CREB5: variants seen among roughly 807,000 people sequenced by gnomAD.
CREB5 encodes the protein cyclic AMP-responsive element-binding protein 5.
CREB5 carries 19 observed loss-of-function variants against 57.1 expected under a neutral mutation model. The ratio of observed to expected loss-of-function variants is 0.33; its 90% CI spans 0.23 to 0.49. The LOEUF (loss-of-function observed/expected upper bound fraction) is 0.49, where lower values mean the gene tolerates loss of function less well. CREB5 is among the 20% of genes least tolerant of loss of function. CREB5 has a pLI of 0.99. For missense variants in CREB5, 579 were observed against 671.6 expected, an observed-to-expected ratio of 0.86 and a Z score of 1.52; for synonymous variants, 238 against 238.3, an observed-to-expected ratio of 1.00 and a Z score of 0.01.
intron 5 of CREB5, among the ~76,000 whole-genome samples, chr7:28,642,472 A>G (rs1478072672): frequency 6.6e-6 from 1 of 152,256 alleles, no homozygotes; most frequent in Non-Finnish European, 1.5e-5. Context: ...TCATGCATTT[A>G]CCAACTTCGT....
chr7:28,503,520 T>C (rs549923320), intron 3 of CREB5, among the ~76,000 whole-genome samples: 4 of 152,212 alleles, frequency 2.6e-5, no homozygotes, highest in Admixed American at 6.5e-5. Context: ...TTTATGCTTC[T>C]TTGCTTGAGA....
At chr7:28,665,012 T>G (rs1308163246) in intron 5 of CREB5, among the ~76,000 whole-genome samples, 1 of 152,138 alleles carries the variant, frequency 6.6e-6, no homozygotes, top group African/African-American at 2.4e-5. Flanking sequence ...CACAGGACAG[T>G]GTGGCAGTTG....
At chr7:28,809,573 C>A (rs1808980318) in intron 9 of CREB5, among the ~76,000 whole-genome samples, 159 bp downstream of exon 9, 1 of 152,196 alleles carries the variant, frequency 6.6e-6, no homozygotes, top group Admixed American at 6.5e-5. Flanking sequence ...TTCCAGGACA[C>A]CCTGCAAAAC....
At chr7:28,435,967 C>A (rs1272845082) in intron 1 of CREB5, among the ~76,000 whole-genome samples, 1 of 152,124 alleles carries the variant, frequency 6.6e-6, no homozygotes, top group Non-Finnish European at 1.5e-5. Flanking sequence ...ATTTCTCTGT[C>A]CAGCAGACTG....
intron 5 of CREB5, among the ~76,000 whole-genome samples, chr7:28,584,565 G>A (rs1466854073): frequency 6.6e-6 from 1 of 152,094 alleles, no homozygotes; most frequent in African/African-American, 2.4e-5. Context: ...TCCAGGAGCT[G>A]GGCATGGGGC....
intron 1 of CREB5, among the ~76,000 whole-genome samples, chr7:28,460,857 G>A (rs1025233521): frequency 1.3e-5 from 2 of 152,068 alleles, no homozygotes; most frequent in South Asian, 4.2e-4. Context: ...GTTGGAAAAG[G>A]AGAAGAAAGC....
intron 1 of CREB5, among the ~76,000 whole-genome samples, chr7:28,438,375 G>T (rs959517669): frequency 6.6e-6 from 1 of 152,070 alleles, no homozygotes; most frequent in Non-Finnish European, 1.5e-5. Context: ...GGGGGGTGTC[G>T]GGGCCACTGA....
intron 3 of CREB5, among the ~76,000 whole-genome samples, chr7:28,502,300 T>A (rs1015660587): frequency 3.9e-5 from 6 of 152,192 alleles, no homozygotes; most frequent in Non-Finnish European, 8.8e-5. Context: ...TTTCTTAAAT[T>A]AGGGCTCTAT....
At chr7:28,644,183 G>T (rs41318) in intron 5 of CREB5, among the ~76,000 whole-genome samples, 48,595 of 151,352 alleles carry the variant, frequency 0.32, 7,855 homozygotes, top group East Asian at 0.37. Context: ...GAAAGAAAAA[G>T]GGAAAGGAAG....
intron 5 of CREB5, among the ~76,000 whole-genome samples, chr7:28,656,576 A>G (rs563978424): frequency 6.6e-6 from 1 of 152,336 alleles, no homozygotes; most frequent in South Asian, 2.1e-4. Context: ...AATAGAGAAT[A>G]GCAATGTTCC....
intron 1 of CREB5, among the ~76,000 whole-genome samples, chr7:28,413,398 C>A (rs976340640): frequency 1.3e-5 from 2 of 152,096 alleles, no homozygotes; most frequent in African/African-American, 4.8e-5. Flanking sequence ...TCAACTATTA[C>A]TTTAGTTCTA....
chr7:28,311,531 C>T lies in CREB5; in HGVS notation c.-25+12090C>T, dbSNP rs570898159. Among the ~76,000 whole-genome samples, 3 of 152,320 alleles carry T rather than the reference C, an allele frequency of 2.0e-5. No homozygotes were observed. In the East Asian group the frequency reaches 5.8e-4, roughly 29 times the overall value. The stretch of plus-strand genomic sequence containing the variant: ...CCTTTTACACATTTAAAACGTTTTT[C>T]GGTCCTACACAATGTACTTTATATT... On this transcript the variant is annotated intron_variant, in intron 1 of 9. Transcript: ENST00000396299.
At chr7:28,736,568 C>T (rs1471292842) in intron 7 of CREB5, among the ~76,000 whole-genome samples, 2 of 152,132 alleles carry the variant, frequency 1.3e-5, no homozygotes, top group Admixed American at 6.5e-5. Flanking sequence ...AATGAACTGA[C>T]GTACAGGGGA....
intron 1 of CREB5, among the ~76,000 whole-genome samples, chr7:28,375,310 A>C (rs1786801859): frequency 6.6e-6 from 1 of 152,182 alleles, no homozygotes; most frequent in Non-Finnish European, 1.5e-5. Context: ...TCTAATAATC[A>C]AAACAATTGA....
At chr7:28,587,379 T>C (rs1366613877) in intron 5 of CREB5, among the ~76,000 whole-genome samples, 2 of 152,160 alleles carry the variant, frequency 1.3e-5, no homozygotes, top group Non-Finnish European at 2.9e-5. Flanking sequence ...GTGGGATTTT[T>C]CTGGGTACAT....
At chr7:28,401,811 T>C (rs1787470345) in intron 1 of CREB5, among the ~76,000 whole-genome samples, 1 of 152,234 alleles carries the variant, frequency 6.6e-6, no homozygotes, top group Admixed American at 6.5e-5. Flanking sequence ...CAGTCTATCA[T>C]TGATGGACAT....
chr7:28,501,565 A>G (rs1469553582), intron 3 of CREB5, among the ~76,000 whole-genome samples: 1 of 152,202 alleles, frequency 6.6e-6, no homozygotes, highest in East Asian at 1.9e-4. Flanking sequence ...CCCTTTGACT[A>G]AGAGTATAGG....
chr7:28,602,540 A>G (rs567241526), intron 5 of CREB5, among the ~76,000 whole-genome samples: 28 of 152,232 alleles, frequency 1.8e-4, no homozygotes, highest in Non-Finnish European at 3.5e-4. Context: ...GAAAAGTAAC[A>G]AACAATTGAT....
chr7:28,613,113 C>G (rs909373087), intron 5 of CREB5, among the ~76,000 whole-genome samples: 1 of 152,270 alleles, frequency 6.6e-6, no homozygotes, highest in East Asian at 1.9e-4. Flanking sequence ...CAGAGGAAAG[C>G]AGTTTCACCT....
Sources: allele counts gnomAD v4.1 joint callset (sites outside exome capture counted in the v4.1 genomes callset), GRCh38; gene constraint gnomAD v4.1.1; transcripts MANE v1.5; gene names NCBI Gene and HGNC (gene_info 2026-07-23, HGNC 2026-07-21).